SMURF2: variants seen among roughly 807,000 people sequenced by gnomAD.
The protein encoded by SMURF2 is E3 ubiquitin-protein ligase SMURF2.
SMURF2 carries 48 observed loss-of-function variants against 109.6 expected under a neutral mutation model. That is an observed-to-expected ratio of 0.44 (90% CI 0.35 to 0.56). SMURF2 has a LOEUF of 0.56. Among genes scored for constraint, SMURF2 ranks in the 20% least tolerant of loss-of-function variants. The pLI, the probability that SMURF2 is intolerant of heterozygous loss-of-function variation, is 0.01. For synonymous variants in SMURF2, 288 were observed against 317.1 expected (o/e 0.91, Z 0.97); for missense variants, 575 against 909.0 (o/e 0.63, Z 4.72).
chr17:64,583,334 A>G, intron 7 of SMURF2, 127 bp downstream of exon 7: 1 of 703,904 alleles, frequency 1.4e-6, no homozygotes, highest in East Asian at 2.7e-5. Context: ...GGCACCTGTT[A>G]TAAGATCTAC....
Position 64,571,604 on chromosome 17 carries a change from A to C in SMURF2, c.1016+194T>G, listed in dbSNP as rs140033572. On this transcript the variant is annotated intron_variant, in intron 10 of 18. Coordinates refer to ENST00000262435, the MANE Select transcript of SMURF2 (RefSeq NM_022739.4). Reference sequence around the variant, plus strand: ...AATTTAAACAACTTTTTTTTTGTAGAGATGAGGTCTCACTATATTGACCAG... The same window carrying C: ...AATTTAAACAACTTTTTTTTTGTAGCGATGAGGTCTCACTATATTGACCAG... Among the ~76,000 whole-genome samples, 1,008 of 152,142 alleles carry C rather than the reference A, an allele frequency of 6.6e-3. 5 individuals carry two copies. Among genetic ancestry groups the C allele is most frequent in the Non-Finnish European group, 8.4e-3 (568 of 67,982 alleles).
chr17:64,592,129 C>T (rs1382392138), intron 4 of SMURF2, among the ~76,000 whole-genome samples: 10 of 152,228 alleles, frequency 6.6e-5, no homozygotes, highest in African/African-American at 1.2e-4. Context: ...CCTTCCAATG[C>T]GGCATGCTCC....
Position 64,566,561 on chromosome 17 carries a change from G to GTTTTTTTTTTTTTTTTTTTTTTTTTTTT in SMURF2, c.1017-3623_1017-3596dup, listed in dbSNP as rs1164717270. On this transcript the variant is annotated intron_variant, in intron 10 of 18. Coordinates refer to ENST00000262435, the MANE Select transcript of SMURF2 (RefSeq NM_022739.4). ...GATGTAGAAATGCTTAAGCTTTCTG[G>GTTTTTTTTTTTTTTTTTTTTTTTTTTTT]TTTTTTTTTTTTTTTTTTTTTTTTT... Among the ~76,000 whole-genome samples the GTTTTTTTTTTTTTTTTTTTTTTTTTTTT allele has an allele frequency of 7.8e-4, 34 of 43,804 alleles. 12 individuals are homozygous for GTTTTTTTTTTTTTTTTTTTTTTTTTTTT. Among genetic ancestry groups the GTTTTTTTTTTTTTTTTTTTTTTTTTTTT allele is most frequent in the East Asian group, 1.8e-3 (2 of 1,118 alleles). The allele number at this position is 43,804 out of a possible 152,430, so 28.7% of individuals were successfully genotyped here.
intron 1 of SMURF2, among the ~76,000 whole-genome samples, chr17:64,621,539 CA>C (rs1970202476): frequency 6.6e-6 from 1 of 151,140 alleles, no homozygotes; most frequent in Non-Finnish European, 1.5e-5. Flanking sequence ...GAGATCATGC[CA>C]CTGCACTCTA....
At chr17:64,627,427 A>C (rs1970283129) in intron 1 of SMURF2, among the ~76,000 whole-genome samples, 1 of 152,136 alleles carries the variant, frequency 6.6e-6, no homozygotes, top group Non-Finnish European at 1.5e-5. Flanking sequence ...TAAGCCATTA[A>C]GTTTTGAGAC....
chr17:64,552,789 C>T (rs1337592784), intron 15 of SMURF2, among the ~76,000 whole-genome samples: 3 of 152,158 alleles, frequency 2.0e-5, no homozygotes, highest in East Asian at 1.9e-4. Flanking sequence ...CTGCAACCTC[C>T]ACCTCCCAGG....
At chr17:64,619,763 C>T (rs1598299495) in intron 1 of SMURF2, among the ~76,000 whole-genome samples, 1 of 152,056 alleles carries the variant, frequency 6.6e-6, no homozygotes, top group East Asian at 1.9e-4. Flanking sequence ...TTCATGAAGG[C>T]TCCACCCTCA....
At chr17:64,648,623 T>G (rs553767572) in intron 1 of SMURF2, among the ~76,000 whole-genome samples, 65 of 152,076 alleles carry the variant, frequency 4.3e-4, no homozygotes, top group African/African-American at 1.5e-3. Flanking sequence ...AATTTAAAAA[T>G]TACACCAGCA....
intron 9 of SMURF2, among the ~76,000 whole-genome samples, chr17:64,577,587 A>T (rs1555686172): frequency 8.9e-6 from 1 of 112,568 alleles, no homozygotes; most frequent in African/African-American, 4.6e-5. Flanking sequence ...ATAAAACACT[A>T]AAAAAAAAAA....
chr17:64,606,446 A>G (rs1021947186), intron 2 of SMURF2, among the ~76,000 whole-genome samples, 156 bp downstream of exon 2: 3 of 152,214 alleles, frequency 2.0e-5, no homozygotes, highest in Middle Eastern at 3.2e-3. Context: ...TTCTAAAAAA[A>G]AAATGTGATG....
At chr17:64,624,941 T>A (rs183204886) in intron 1 of SMURF2, among the ~76,000 whole-genome samples, 1 of 152,300 alleles carries the variant, frequency 6.6e-6, no homozygotes, top group East Asian at 1.9e-4. Context: ...CAGTATGTGA[T>A]CCTGACCCAC....
chr17:64,560,082 G>A (rs189530436), intron 12 of SMURF2, among the ~76,000 whole-genome samples: 9 of 151,438 alleles, frequency 5.9e-5, no homozygotes, highest in African/African-American at 2.2e-4. Context: ...AGGCATGGAA[G>A]CATGTGCCTA....
chr17:64,570,254 A>G (rs1326115324), intron 10 of SMURF2, among the ~76,000 whole-genome samples: 2 of 152,304 alleles, frequency 1.3e-5, no homozygotes, highest in Non-Finnish European at 2.9e-5. Flanking sequence ...TGTGTTTTTA[A>G]CATTTTAACA....
At chr17:64,631,884 C>T (rs1970352473) in intron 1 of SMURF2, among the ~76,000 whole-genome samples, 1 of 143,274 alleles carries the variant, frequency 7.0e-6, no homozygotes, top group African/African-American at 2.6e-5. Context: ...CAAAACTGCA[C>T]TTTGCTATCA....
At position 64,543,523 on chromosome 17, in the gene SMURF2, C is replaced by A. The variant is rs1441851095; in HGVS notation, c.*2325G>T. The A allele has an allele frequency of 2.6e-5, 4 of 152,184 alleles. No homozygotes were observed. Among genetic ancestry groups the A allele is most frequent in the African/African-American group, 9.7e-5 (4 of 41,434 alleles). 9.4% of individuals were successfully genotyped at this position (152,184 alleles called of 1,614,324 possible). On this transcript the variant is annotated 3_prime_UTR_variant, in exon 19 of 19. Coordinates refer to ENST00000262435, the MANE Select transcript of SMURF2 (RefSeq NM_022739.4). ...TCCTGACCTCAGGTGATCCGCCCAC[C>A]TCGGCCTCCCAAAGTGCTGGGATTA...
chr17:64,619,670 T>G (rs1970177251), intron 1 of SMURF2, among the ~76,000 whole-genome samples: 1 of 151,970 alleles, frequency 6.6e-6, no homozygotes. Flanking sequence ...CTTCCTGGTT[T>G]GCATACTCCC....
intron 1 of SMURF2, among the ~76,000 whole-genome samples, chr17:64,646,070 A>ATT (rs1276463311): frequency 5.5e-5 from 8 of 145,374 alleles, no homozygotes; most frequent in African/African-American, 1.0e-4. Flanking sequence ...ATTTCTTATA[A>ATT]TTTTTTTTTT....
At chr17:64,639,555 C>A (rs768266495) in intron 1 of SMURF2, among the ~76,000 whole-genome samples, 1 of 151,622 alleles carries the variant, frequency 6.6e-6, no homozygotes, top group Non-Finnish European at 1.5e-5. Context: ...CCAGTCTGGG[C>A]GACAGAGCGA....
chr17:64,604,047 TTTAA>T (rs1244125901), intron 2 of SMURF2, among the ~76,000 whole-genome samples: 1 of 152,226 alleles, frequency 6.6e-6, no homozygotes, highest in Non-Finnish European at 1.5e-5. Context: ...TTCATTTATA[TTTAA>T]TTGAAGAATT....
Sources: allele counts gnomAD v4.1 joint callset (sites outside exome capture counted in the v4.1 genomes callset), GRCh38; gene constraint gnomAD v4.1.1; transcripts MANE v1.5; gene names NCBI Gene and HGNC (gene_info 2026-07-23, HGNC 2026-07-21).